The following UTRN variants were observed in gnomAD, a reference collection of about 807,000 sequenced individuals.
UTRN encodes utrophin, also known as dystrophin-related protein 1.
Under a neutral mutation model 463.9 loss-of-function variants are expected in UTRN, and 283 were observed. That is an observed-to-expected ratio of 0.61 (90% CI 0.55 to 0.67). UTRN has a LOEUF of 0.67. Among genes scored for constraint, UTRN ranks in the 30% least tolerant of loss-of-function variants. The pLI, the probability that UTRN is intolerant of heterozygous loss-of-function variation, is 0.00. For missense variants in UTRN, 3,922 were observed against 4,084.3 expected, an observed-to-expected ratio of 0.96 and a Z score of 1.08; for synonymous variants, 1,442 against 1,431.5, an observed-to-expected ratio of 1.01 and a Z score of -0.17.
intron 12 of UTRN, 113 bp downstream of exon 12, chr6:144,439,008 G>A (rs1786863046): frequency 3.4e-6 from 4 of 1,186,716 alleles, no homozygotes; most frequent in Non-Finnish European, 4.7e-6. Context: ...ACTTCTTCAG[G>A]GTTGTCTTCA....
At chr6:144,626,766 A>G (rs1775986597) in intron 51 of UTRN, among the ~76,000 whole-genome samples, 1 of 152,122 alleles carries the variant, frequency 6.6e-6, no homozygotes, top group African/African-American at 2.4e-5. Context: ...CAGCCTCCCG[A>G]GTAGCTGGGA....
At chr6:144,752,050 C>A in intron 56 of UTRN, 98 bp downstream of exon 56, 3 of 1,230,180 alleles carry the variant, frequency 2.4e-6, no homozygotes, top group Non-Finnish European at 2.1e-6. Context: ...TCTTTCTTTG[C>A]TGATGGTATT....
intron 26 of UTRN, 88 bp downstream of exon 26, chr6:144,480,070 A>G (rs2128572914): frequency 1.4e-6 from 2 of 1,450,956 alleles, no homozygotes; most frequent in Non-Finnish European, 1.9e-6. Flanking sequence ...TATCTGTCAA[A>G]CACTATGTGC....
intron 9 of UTRN, among the ~76,000 whole-genome samples, chr6:144,434,364 G>C (rs1202457751): frequency 6.6e-6 from 1 of 151,682 alleles, no homozygotes; most frequent in African/African-American, 2.4e-5. Context: ...GAGGGAGAGG[G>C]AGCGAAGTTT....
rs180747145 is a variant in UTRN, at chr6:144,665,656, G to A, written c.7480-12750G>A. 4.2e-4 allele frequency among the ~76,000 whole-genome samples: 64 copies of A among 152,248 alleles called. 2 individuals carry two copies. The highest frequency in any genetic ancestry group is 1.4e-3 in the African/African-American group (60 of 41,556). ...GAAGTTTATCTTGATCTGAATAGTG[G>A]GTGTTGTTTACAGAAAGACTAACCA... On this transcript the variant is annotated intron_variant, in intron 51 of 74. Coordinates refer to ENST00000367545, the MANE Select transcript of UTRN (RefSeq NM_007124.3).
intron 65 of UTRN, among the ~76,000 whole-genome samples, chr6:144,812,163 TG>T (rs1023399778): frequency 3.3e-5 from 5 of 152,120 alleles, no homozygotes; most frequent in African/African-American, 7.2e-5. Context: ...TTTCTTTATT[TG>T]TGGTTCTTTA....
At chr6:144,840,213 A>G (rs1781447121) in intron 72 of UTRN, among the ~76,000 whole-genome samples, 1 of 151,940 alleles carries the variant, frequency 6.6e-6, no homozygotes. Context: ...TATTAAGATT[A>G]TTTTCATATT....
At chr6:144,309,828 C>T (rs970545439) in intron 2 of UTRN, among the ~76,000 whole-genome samples, 2 of 152,202 alleles carry the variant, frequency 1.3e-5, no homozygotes, top group South Asian at 4.1e-4. Flanking sequence ...CTACAGGACC[C>T]TGTTTATCCT....
intron 27 of UTRN, among the ~76,000 whole-genome samples, chr6:144,485,125 C>T (rs1053316500): frequency 4.0e-5 from 6 of 151,736 alleles, no homozygotes; most frequent in African/African-American, 1.2e-4. Context: ...AGGGTTTCAC[C>T]GTGTTAGCCA....
At chr6:144,622,437 T>G (rs1293259421) in intron 51 of UTRN, among the ~76,000 whole-genome samples, 1 of 152,154 alleles carries the variant, frequency 6.6e-6, no homozygotes, top group Non-Finnish European at 1.5e-5. Flanking sequence ...TCTGCCTGCC[T>G]TGGCCTCCTG....
In UTRN at chr6:144,366,069, A is replaced by G. The variant is rs115754985; in HGVS notation, c.80-37054A>G. ...TTTATTTTCATTAACTTAAAATATTATGGCAGCTGATAGAGATGTATGTGC... is the reference window on the plus strand; with the variant it reads ...TTTATTTTCATTAACTTAAAATATTGTGGCAGCTGATAGAGATGTATGTGC... On this transcript the variant is annotated intron_variant, in intron 2 of 74. Coordinates refer to ENST00000367545, the MANE Select transcript of UTRN (RefSeq NM_007124.3). Among the ~76,000 whole-genome samples, 452 of 152,334 alleles carry G rather than the reference A, an allele frequency of 3.0e-3. 2 individuals are homozygous for G. Among genetic ancestry groups the G allele is most frequent in the African/African-American group, 0.011 (441 of 41,568 alleles).
chr6:144,573,898 G>A lies in UTRN; in HGVS notation c.7290-3201G>A, dbSNP rs147047962. Among the ~76,000 whole-genome samples, 915 of 152,200 alleles carry A rather than the reference G, an allele frequency of 6.0e-3. 14 individuals carry two copies. Among genetic ancestry groups the A allele is most frequent in the African/African-American group, 0.021 (874 of 41,516 alleles). ...GAATGAAACAAGATCATCATTCAAG[G>A]CCTTTTTCCAGGATTCATGTGATTA... is the stretch of plus-strand genomic sequence containing the variant. On this transcript the variant is annotated intron_variant, in intron 50 of 74. Coordinates refer to ENST00000367545, the MANE Select transcript of UTRN (RefSeq NM_007124.3).
At chr6:144,472,658 A>T (rs1790779869) in intron 23 of UTRN, among the ~76,000 whole-genome samples, 1 of 152,208 alleles carries the variant, frequency 6.6e-6, no homozygotes. Flanking sequence ...AATTGGGAAC[A>T]TGTAATCAGT....
chr6:144,793,750 G>C (rs962977990), intron 62 of UTRN, 84 bp from the exon 63 acceptor site: 1 of 1,524,394 alleles, frequency 6.6e-7, no homozygotes, highest in African/African-American at 1.4e-5. Context: ...AATCTGCATG[G>C]TTCAGTCCAC....
At chr6:144,646,489 T>A (rs561403505) in intron 51 of UTRN, among the ~76,000 whole-genome samples, 1 of 152,154 alleles carries the variant, frequency 6.6e-6, no homozygotes, top group African/African-American at 2.4e-5. Context: ...CCTCCATTCT[T>A]ACAGGTTATT....
intron 7 of UTRN, among the ~76,000 whole-genome samples, chr6:144,427,977 C>A (rs780152540): frequency 6.6e-6 from 1 of 151,958 alleles, no homozygotes; most frequent in African/African-American, 2.4e-5. Flanking sequence ...CACTTGGCAT[C>A]GGAGAGGGCA....
intron 2 of UTRN, among the ~76,000 whole-genome samples, chr6:144,298,536 G>A (rs897211002): frequency 6.6e-6 from 1 of 152,146 alleles, no homozygotes; most frequent in African/African-American, 2.4e-5. Flanking sequence ...CTAAGATTAA[G>A]GTTTACAGTG....
At chr6:144,438,177 G>A (rs1226226321) in intron 11 of UTRN, among the ~76,000 whole-genome samples, 1 of 152,120 alleles carries the variant, frequency 6.6e-6, no homozygotes, top group Non-Finnish European at 1.5e-5. Context: ...GAGGTATGAG[G>A]ATCGCTTGAA....
At chr6:144,407,894 T>C (rs1476635633) in intron 3 of UTRN, among the ~76,000 whole-genome samples, 1 of 152,124 alleles carries the variant, frequency 6.6e-6, no homozygotes, top group Non-Finnish European at 1.5e-5. Context: ...TATGAAGAGC[T>C]CAGAAAAAGT....
Sources: gnomAD v4.1 joint callset for allele counts (sites outside exome capture counted in the v4.1 genomes callset) on GRCh38, gnomAD v4.1.1 for gene constraint, MANE v1.5 for transcripts, NCBI Gene and HGNC (gene_info 2026-07-23, HGNC 2026-07-21) for gene names.